Variants in USPL1 observed in about 807,000 individuals in gnomAD.
USPL1 encodes SUMO-specific isopeptidase USPL1.
In USPL1, 27 loss-of-function variants were observed where a neutral mutation model predicts 51.5. The ratio of observed to expected loss-of-function variants is 0.52; its 90% confidence interval spans 0.39 to 0.72. USPL1 has a LOEUF of 0.72. USPL1 is among the 30% of genes least tolerant of loss of function. The probability of loss-of-function intolerance (pLI) is 0.00; values close to 1 mark genes in which losing one functional copy is unlikely to be tolerated. For synonymous variants in USPL1, 451 were observed against 459.6 expected, an observed-to-expected ratio of 0.98 and a Z score of 0.24; for missense variants, 1,226 against 1,268.0, an observed-to-expected ratio of 0.97 and a Z score of 0.50.
At chr13:30,625,879 G>A (rs1030901357) in intron 3 of USPL1, among the ~76,000 whole-genome samples, 1 of 152,112 alleles carries the variant, frequency 6.6e-6, no homozygotes, top group African/African-American at 2.4e-5. Flanking sequence ...TTTCTAGTCA[G>A]CAATGAGAGC....
At chr13:30,620,996 G>A (rs545719815) in intron 1 of USPL1, 77 bp from the exon 2 acceptor site, 27 of 637,994 alleles carry the variant, frequency 4.2e-5, no homozygotes, top group Non-Finnish European at 6.1e-5. Flanking sequence ...TACTATATAC[G>A]TCTTATAAAA....
intron 7 of USPL1, among the ~76,000 whole-genome samples, chr13:30,649,660 A>G (rs972249335): frequency 3.9e-5 from 6 of 152,240 alleles, no homozygotes; most frequent in Admixed American, 6.5e-5. Flanking sequence ...GGTCACTGCC[A>G]CAGTCTCTCT....
chr13:30,618,589 A>G (rs1219923751), intron 1 of USPL1, among the ~76,000 whole-genome samples: 1 of 151,974 alleles, frequency 6.6e-6, no homozygotes, highest in Non-Finnish European at 1.5e-5. Flanking sequence ...CAGGAGTGTG[A>G]ATTAAGTTTA....
chr13:30,633,539 A>G (rs1950835009), intron 4 of USPL1, among the ~76,000 whole-genome samples: 1 of 152,032 alleles, frequency 6.6e-6, no homozygotes, highest in African/African-American at 2.4e-5. Context: ...AGGAAGCTGA[A>G]GCGGGCAGAT....
intron 7 of USPL1, among the ~76,000 whole-genome samples, chr13:30,650,851 G>A (rs1201648648): frequency 2.0e-5 from 3 of 151,664 alleles, no homozygotes; most frequent in East Asian, 2.0e-4. Context: ...TTAGCTGGGT[G>A]TGGTGGCATG....
intron 1 of USPL1, among the ~76,000 whole-genome samples, chr13:30,619,758 A>G (rs893816625): frequency 1.3e-5 from 2 of 152,234 alleles, no homozygotes; most frequent in African/African-American, 2.4e-5. Context: ...TGACTCCTAC[A>G]TAGTTCTCTT....
intron 6 of USPL1, among the ~76,000 whole-genome samples, chr13:30,645,724 A>T (rs1225488848): frequency 6.6e-6 from 1 of 152,184 alleles, no homozygotes; most frequent in East Asian, 1.9e-4. Context: ...GGAAAGTGTA[A>T]CCCAGAGTCA....
At chr13:30,624,315 G>GA (rs1015039678) in intron 3 of USPL1, among the ~76,000 whole-genome samples, 8 of 150,888 alleles carry the variant, frequency 5.3e-5, no homozygotes, top group East Asian at 1.9e-4. Flanking sequence ...TGTTAAAAAA[G>GA]AAAAAAAAAT....
At chr13:30,623,271 GAA>G (rs1950667563) in intron 3 of USPL1, among the ~76,000 whole-genome samples, 1 of 152,142 alleles carries the variant, frequency 6.6e-6, no homozygotes, top group Non-Finnish European at 1.5e-5. Flanking sequence ...CTACTGCAAT[GAA>G]AGCAGCAGAG....
chr13:30,618,222 C>G (rs1950595235), intron 1 of USPL1, among the ~76,000 whole-genome samples, 166 bp downstream of exon 1: 1 of 152,124 alleles, frequency 6.6e-6, no homozygotes, highest in African/African-American at 2.4e-5. Flanking sequence ...ACTTACAGAT[C>G]CGTTTGGGCG....
rs1950965937 is a variant in USPL1 at position 30,642,766 on chromosome 13, C to A, written c.1112+9C>A. ...CACCAATATCAAAACAGGTTAGTTTCTTTTGTTTTTTAAAATGGGTTCTTC... is the reference window on the plus strand; with the variant it reads ...CACCAATATCAAAACAGGTTAGTTTATTTTGTTTTTTAAAATGGGTTCTTC... On this transcript the variant is annotated intron_variant, in intron 6 of 8. Coordinates refer to ENST00000255304, the MANE Select transcript of USPL1 (RefSeq NM_005800.5). The A allele has an allele frequency of 1.2e-6, 2 of 1,604,222 alleles. No individual in the cohort carries two copies. The highest frequency in any genetic ancestry group is 1.7e-6 in the Non-Finnish European group (2 of 1,177,224).
chr13:30,647,487 T>A (rs1231409433), intron 7 of USPL1, among the ~76,000 whole-genome samples: 1 of 152,156 alleles, frequency 6.6e-6, no homozygotes, highest in Non-Finnish European at 1.5e-5. Flanking sequence ...TAATTCCTCA[T>A]CATCTTGAAA....
chr13:30,622,901 A>AT (rs1253669805), intron 3 of USPL1, among the ~76,000 whole-genome samples: 2 of 152,074 alleles, frequency 1.3e-5, no homozygotes, highest in East Asian at 1.9e-4. Flanking sequence ...ATATTCAGTA[A>AT]TTTTTTTTAT....
In USPL1 at chr13:30,631,199, G is replaced by A. The variant is rs752693332; in HGVS notation, c.593G>A (p.Arg198Lys). The A allele has an allele frequency of 5.0e-6, 8 of 1,614,034 alleles. No homozygotes were observed. Among genetic ancestry groups the A allele is most frequent in the Middle Eastern group, 3.3e-4 (2 of 6,084 alleles). The change falls in exon 4 of 9, where the codon AGA (arginine) becomes AAA (lysine). Residue 198 changes from arginine (R) to lysine (K), a missense_variant. Coordinates refer to ENST00000255304, the MANE Select transcript of USPL1 (RefSeq NM_005800.5). ...ACAGTTGATGTCTCTGGAACTGGCAGACCTTCCCCTCAAAATGAAGGATGT... is the reference window on the plus strand; with the variant it reads ...ACAGTTGATGTCTCTGGAACTGGCAAACCTTCCCCTCAAAATGAAGGATGT... Reference protein sequence around the residue: ...PATVDVSGTGRPSPQNEGCTS... With the variant: ...PATVDVSGTGKPSPQNEGCTS...
In USPL1 at chr13:30,660,374, T is replaced by TC. The variant is rs982766480; in HGVS notation, c.*1020dup. ...AAGCCAAGCTGCAGAGGCAAGCACT[T>TC]CCGAGCCTGCAAAAGCAGGCCCCCA... On this transcript the variant is annotated 3_prime_UTR_variant, in exon 9 of 9. Transcript: ENST00000255304. 1 of 152,242 alleles carries TC rather than the reference T, an allele frequency of 6.6e-6. No individual in the cohort carries two copies. Among genetic ancestry groups the TC allele is most frequent in the African/African-American group, 2.4e-5 (1 of 41,466 alleles). The allele number at this position is 152,242 out of a possible 1,614,324, so 9.4% of individuals were successfully genotyped here.
chr13:30,618,536 C>G (rs1172870395), intron 1 of USPL1, among the ~76,000 whole-genome samples: 1 of 151,980 alleles, frequency 6.6e-6, no homozygotes, highest in African/African-American at 2.4e-5. Flanking sequence ...TTTAAGGCCC[C>G]CTCTTCGAAC....
intron 4 of USPL1, among the ~76,000 whole-genome samples, chr13:30,637,455 A>G (rs1950891284): frequency 6.6e-6 from 1 of 152,196 alleles, no homozygotes; most frequent in Non-Finnish European, 1.5e-5. Flanking sequence ...TTAGAGATAG[A>G]CATAGTATCT....
At chr13:30,646,736 G>A (rs1951022321) in intron 6 of USPL1, among the ~76,000 whole-genome samples, 196 bp from the exon 7 acceptor site, 1 of 152,192 alleles carries the variant, frequency 6.6e-6, no homozygotes, top group Admixed American at 6.5e-5. Context: ...ATAGTTGAAA[G>A]ATATGGGAAA....
Position 30,631,478 on chromosome 13 carries a change from G to C in USPL1, c.868+4G>C. Reference sequence around the variant, plus strand: ...AGTCAATTGAGTGGTGTTAAAGGTTGGTACTAATATTTTATTTTTATTTAC... The same window carrying C: ...AGTCAATTGAGTGGTGTTAAAGGTTCGTACTAATATTTTATTTTTATTTAC... On this transcript the variant is annotated splice_donor_region_variant and intron_variant, in intron 4 of 8. Coordinates refer to ENST00000255304, the MANE Select transcript of USPL1 (RefSeq NM_005800.5). 1.2e-6 allele frequency: 2 copies of C among 1,602,644 alleles called. No homozygotes were observed. The highest frequency in any genetic ancestry group is 1.7e-6 in the Non-Finnish European group (2 of 1,175,956).
Sources: gnomAD v4.1 joint callset for allele counts (sites outside exome capture counted in the v4.1 genomes callset) on GRCh38, gnomAD v4.1.1 for gene constraint, MANE v1.5 for transcripts, NCBI Gene and HGNC (gene_info 2026-07-23, HGNC 2026-07-21) for gene names.